The following ADRA2A variants were observed in gnomAD, a reference collection of about 807,000 sequenced individuals.
ADRA2A encodes alpha-2A adrenergic receptor.
Under a neutral mutation model 5.9 loss-of-function variants are expected in ADRA2A, and 6 were observed. That is an observed-to-expected ratio of 1.01 (90% CI 0.55 to 2.00). ADRA2A has a LOEUF of 2.00. Among genes scored for constraint, ADRA2A ranks in the 30% most tolerant of loss-of-function variants. ADRA2A has a pLI of 0.00. For synonymous variants in ADRA2A, 345 were observed against 325.9 expected (o/e 1.06, Z -0.63); for missense variants, 647 against 690.0 (o/e 0.94, Z 0.70).
chr10:111,078,983 T>C lies in ADRA2A; in HGVS notation c.987T>C (p.Gly329=). 1 of 1,234,056 alleles carries C rather than the reference T, an allele frequency of 8.1e-7. No homozygotes were observed. The highest frequency in any genetic ancestry group is 1.0e-6 in the Non-Finnish European group (1 of 991,166). 76.4% of individuals were successfully genotyped at this position (1,234,056 alleles called of 1,614,324 possible). A position where few individuals can be genotyped will look rare whatever the true frequency, so the allele number is the denominator to read the frequency against. Residue 329 remains glycine (G), a synonymous_variant, in exon 1 of 1, where the codon GGT becomes GGC. Coordinates refer to ENST00000280155, the MANE Select transcript of ADRA2A (RefSeq NM_000681.4). The part of the protein sequence containing the change: ...RPPGPRRPER[G]PRGKGKARAS... ...CAGGGCCCCGCAGACCCGAGCGCGG[T>C]CCCCGGGGCAAAGGCAAGGCCCGAG... is the stretch of plus-strand genomic sequence containing the variant.
chr10:111,079,125 T>C lies in ADRA2A; in HGVS notation c.1129T>C (p.Trp377Arg), dbSNP rs1843569681. The change falls in exon 1 of 1, where the codon TGG (tryptophan) becomes CGG (arginine). Residue 377 changes from tryptophan (W) to arginine (R), a missense_variant. Trp to Arg is a moderately radical substitution (Grantham distance 101). This residue lies in a region of ADRA2A where 577 missense variants were observed against 605.4 expected (regional missense o/e 0.95). Coordinates refer to ENST00000280155, the MANE Select transcript of ADRA2A (RefSeq NM_000681.4). ...CGTCGGGGCTGCCAAGGCGTCGCGC[T>C]GGCGCGGGCGGCAGAACCGCGAGAA... ...ERVGAAKASR[W>R]RGRQNREKRF... is the part of the protein sequence containing the mutation. 6.3e-7 allele frequency: 1 copy of C among 1,596,022 alleles called. No individual in the cohort carries two copies. Among genetic ancestry groups the C allele is most frequent in the African/African-American group, 1.3e-5 (1 of 74,420 alleles).
Position 111,078,025 on chromosome 10 carries a change from A to T in ADRA2A, c.29A>T (p.Glu10Val). Residue 10 changes from glutamate to valine, a missense_variant, in exon 1 of 1, where the codon GAG becomes GTG. Physicochemically the swap from Glu to Val is moderately radical, Grantham distance 121. Around this residue, in one of 3 missense-constraint regions of ADRA2A, gnomAD observed 577 missense variants for 605.4 expected, o/e 0.95. Transcript: ENST00000280155. MFRQEQPLA[E>V]GSFAPMGSLQ... ...TTCCGCCAGGAGCAGCCGTTGGCCGAGGGCAGCTTTGCGCCCATGGGCTCC... is the reference window on the plus strand; with the variant it reads ...TTCCGCCAGGAGCAGCCGTTGGCCGTGGGCAGCTTTGCGCCCATGGGCTCC... The T allele has an allele frequency of 1.4e-6, 2 of 1,456,520 alleles. No homozygotes were observed. The highest frequency in any genetic ancestry group is 2.8e-5 in the South Asian group (2 of 70,964). The allele number at this position is 1,456,520 out of a possible 1,614,324, so 90.2% of individuals were successfully genotyped here.
rs138747761 is a variant in ADRA2A at position 111,078,494 on chromosome 10, G to A, written c.498G>A (p.Lys166=). ...TGAAGCGCACGCCGCGCCGCATCAA[G>A]GCCATCATCATCACCGTGTGGGTCA... ...YNLKRTPRRI[K]AIIITVWVIS... is the part of the protein sequence containing the mutation. The change falls in exon 1 of 1, where the codon AAG becomes AAA. Residue 166 remains lysine, a synonymous_variant. Transcript: ENST00000280155. The A allele has an allele frequency of 7.3e-5, 118 of 1,613,186 alleles. No homozygotes were observed. The highest frequency in any genetic ancestry group is 9.8e-5 in the Non-Finnish European group (116 of 1,179,906).
At position 111,078,615 on chromosome 10, in the gene ADRA2A, G is replaced by C. The variant is rs1265977627; in HGVS notation, c.619G>C (p.Asp207His). The change falls in exon 1 of 1, where the codon GAC (aspartate) becomes CAC (histidine). Residue 207 changes from aspartate to histidine, a missense_variant. Coordinates refer to ENST00000280155, the MANE Select transcript of ADRA2A (RefSeq NM_000681.4). Reference sequence around the variant, plus strand: ...GGCCGAGCCGCGCTGCGAGATCAACGACCAGAAGTGGTACGTCATCTCGTC... The same window carrying C: ...GGCCGAGCCGCGCTGCGAGATCAACCACCAGAAGTGGTACGTCATCTCGTC... ...QPAEPRCEINDQKWYVISSCI... is the reference protein window; with the variant it reads ...QPAEPRCEINHQKWYVISSCI... 2.1e-5 allele frequency: 33 copies of C among 1,597,280 alleles called. No homozygotes were observed. In the East Asian group the frequency reaches 7.1e-4, roughly 34 times the overall value.
In ADRA2A at chr10:111,078,618, C is replaced by A; in HGVS notation, c.622C>A (p.Gln208Lys). Reference sequence around the variant, plus strand: ...CGAGCCGCGCTGCGAGATCAACGACCAGAAGTGGTACGTCATCTCGTCGTG... The same window carrying A: ...CGAGCCGCGCTGCGAGATCAACGACAAGAAGTGGTACGTCATCTCGTCGTG... ...PAEPRCEIND[Q>K]KWYVISSCIG... The change falls in exon 1 of 1, where the codon CAG becomes AAG. Residue 208 changes from glutamine (Q) to lysine (K), a missense_variant. By Grantham distance (53) the Gln-to-Lys change is moderately conservative. Coordinates refer to ENST00000280155, the MANE Select transcript of ADRA2A (RefSeq NM_000681.4). 1 of 1,597,358 alleles carries A rather than the reference C, an allele frequency of 6.3e-7. No individual in the cohort carries two copies. Among genetic ancestry groups the A allele is most frequent in the East Asian group, 2.3e-5 (1 of 43,952 alleles).
At position 111,078,197 on chromosome 10, in the gene ADRA2A, G is replaced by T; in HGVS notation, c.201G>T (p.Val67=). 6.2e-7 allele frequency: 1 copy of T among 1,613,006 alleles called. No individual in the cohort carries two copies. Among genetic ancestry groups the T allele is most frequent in the Non-Finnish European group, 8.5e-7 (1 of 1,179,884 alleles). ...LLMLLTVFGN[V]LVIIAVFTSR... is the part of the protein sequence containing the mutation. Reference sequence around the variant, plus strand: ...TGCTGCTCACCGTGTTCGGCAACGTGCTCGTCATCATCGCCGTGTTCACGA... The same window carrying T: ...TGCTGCTCACCGTGTTCGGCAACGTTCTCGTCATCATCGCCGTGTTCACGA... The change falls in exon 1 of 1, where the codon GTG becomes GTT. Residue 67 remains valine (V), a synonymous_variant. Transcript: ENST00000280155.
rs12416313 is a variant in ADRA2A at position 111,078,221 on chromosome 10, G to C, written c.225G>C (p.Thr75=). 9.7e-4 allele frequency: 1,563 copies of C among 1,613,538 alleles called. 15 individuals carry two copies. The Admixed American group carries it at 0.02, about 21-fold the overall frequency. ...TGCTCGTCATCATCGCCGTGTTCAC[G>C]AGCCGCGCGCTCAAGGCGCCCCAAA... ...GNVLVIIAVF[T]SRALKAPQNL... The change falls in exon 1 of 1, where the codon ACG becomes ACC. Residue 75 remains threonine (T), a synonymous_variant. Transcript: ENST00000280155.
In ADRA2A at chr10:111,078,883, C is replaced by T; in HGVS notation, c.887C>T (p.Ala296Val). 8.3e-7 allele frequency: 1 copy of T among 1,202,650 alleles called. No homozygotes were observed. Among genetic ancestry groups the T allele is most frequent in the Non-Finnish European group, 1.0e-6 (1 of 971,208 alleles). The allele number at this position is 1,202,650 out of a possible 1,614,324, so 74.5% of individuals were successfully genotyped here. ...CTCAACGGCGCCCCTGGCGAGCCCG[C>T]GCCGGCCGGGCCGCGCGACACCGAC... ...TQLNGAPGEP[A>V]PAGPRDTDAL... The change falls in exon 1 of 1, where the codon GCG becomes GTG. Residue 296 changes from alanine (A) to valine (V), a missense_variant. This residue lies in a region of ADRA2A where 577 missense variants were observed against 605.4 expected (regional missense o/e 0.95). Transcript: ENST00000280155.
At position 111,078,068 on chromosome 10, in the gene ADRA2A, C is replaced by A; in HGVS notation, c.72C>A (p.Gly24=). Reference sequence around the variant, plus strand: ...TGGGCTCCCTGCAGCCGGACGCGGGCAACGCGAGCTGGAACGGGACCGAGG... The same window carrying A: ...TGGGCTCCCTGCAGCCGGACGCGGGAAACGCGAGCTGGAACGGGACCGAGG... The part of the protein sequence containing the change: ...APMGSLQPDA[G]NASWNGTEAP... Residue 24 remains glycine (G), a synonymous_variant, in exon 1 of 1, where the codon GGC becomes GGA. Transcript: ENST00000280155. The A allele has an allele frequency of 6.5e-7, 1 of 1,543,860 alleles. No homozygotes were observed. Among genetic ancestry groups the A allele is most frequent in the South Asian group, 1.2e-5 (1 of 84,730 alleles).
chr10:111,078,458 C>G lies in ADRA2A; in HGVS notation c.462C>G (p.Ile154Met). ...LDRYWSITQA[I>M]EYNLKRTPRR... ...GCTACTGGTCCATCACACAGGCCAT[C>G]GAGTACAACCTGAAGCGCACGCCGC... is the stretch of plus-strand genomic sequence containing the variant. The change falls in exon 1 of 1, where the codon ATC (isoleucine) becomes ATG (methionine). Residue 154 changes from isoleucine to methionine, a missense_variant. By Grantham distance (10) the Ile-to-Met change is conservative. This residue lies in a region of ADRA2A where 577 missense variants were observed against 605.4 expected (regional missense o/e 0.95). Transcript: ENST00000280155. 1 of 1,613,812 alleles carries G rather than the reference C, an allele frequency of 6.2e-7. No homozygotes were observed.
Position 111,077,870 on chromosome 10 carries a change from TC to T in ADRA2A, c.-124del. The T allele has an allele frequency of 7.9e-7, 1 of 1,273,520 alleles. No individual in the cohort carries two copies. Among genetic ancestry groups the T allele is most frequent in the Non-Finnish European group, 9.9e-7 (1 of 1,013,954 alleles). 78.9% of individuals were successfully genotyped at this position (1,273,520 alleles called of 1,614,324 possible). The stretch of plus-strand genomic sequence containing the variant: ...GCGGTCCTCCAGTTCGGGCCCGGCC[TC>T]CCTGCGGCCCCCTCCCTATGTGAGC... On this transcript the variant is annotated 5_prime_UTR_variant, in exon 1 of 1. Coordinates refer to ENST00000280155, the MANE Select transcript of ADRA2A (RefSeq NM_000681.4).
rs760720691 is a variant in ADRA2A at position 111,079,337 on chromosome 10, T to C, written c.1341T>C (p.Asp447=). 1.9e-6 allele frequency: 3 copies of C among 1,614,076 alleles called. No individual in the cohort carries two copies. The highest frequency in any genetic ancestry group is 1.7e-5 in the Admixed American group (1 of 60,034). Residue 447 remains aspartate, a synonymous_variant, in exon 1 of 1, where the codon GAT becomes GAC. Transcript: ENST00000280155. ...TCATCTACACCATCTTCAACCACGA[T>C]TTCCGCCGCGCCTTCAAGAAGATCC... The part of the protein sequence containing the change: ...NPVIYTIFNH[D]FRRAFKKILC...
In ADRA2A at chr10:111,079,487, C is replaced by T. The variant is rs1843573737; in HGVS notation, c.*93C>T. The T allele has an allele frequency of 1.4e-6, 2 of 1,391,586 alleles. No individual in the cohort carries two copies. Among genetic ancestry groups the T allele is most frequent in the Middle Eastern group, 2.5e-4 (1 of 3,924 alleles). The allele number at this position is 1,391,586 out of a possible 1,614,324, so 86.2% of individuals were successfully genotyped here. On this transcript the variant is annotated 3_prime_UTR_variant, in exon 1 of 1. Transcript: ENST00000280155. ...GCCCCAGGGCACTCAGAAACCCGGGCGCTGCCTGCTCTGCGTTTCCTCGTC... is the reference window on the plus strand; with the variant it reads ...GCCCCAGGGCACTCAGAAACCCGGGTGCTGCCTGCTCTGCGTTTCCTCGTC...
Position 111,077,919 on chromosome 10 carries a change from C to G in ADRA2A, c.-78C>G, listed in dbSNP as rs919361082. On this transcript the variant is annotated 5_prime_UTR_variant, in exon 1 of 1. Transcript: ENST00000280155. ...AGCCGCAGCCAGGCGAGCGGGGCGC[C>G]GGAGGAAGAGGAGGACCCACGGGCG... 46 of 1,322,250 alleles carry G rather than the reference C, an allele frequency of 3.5e-5. No individual in the cohort carries two copies. The highest frequency in any genetic ancestry group is 4.0e-5 in the Non-Finnish European group (42 of 1,044,402). The allele number at this position is 1,322,250 out of a possible 1,614,324, so 81.9% of individuals were successfully genotyped here.
rs1284129917 is a variant in ADRA2A at position 111,080,723 on chromosome 10, A to G, written c.*1329A>G. 1 of 166,910 alleles carries G rather than the reference A, an allele frequency of 6.0e-6. No individual in the cohort carries two copies. The highest frequency in any genetic ancestry group is 1.5e-5 in the Non-Finnish European group (1 of 68,096). 10.3% of individuals were successfully genotyped at this position (166,910 alleles called of 1,614,324 possible). A position where few individuals can be genotyped will look rare whatever the true frequency, so the allele number is the denominator to read the frequency against. On this transcript the variant is annotated 3_prime_UTR_variant, in exon 1 of 1. Transcript: ENST00000280155. Reference sequence around the variant, plus strand: ...CTCTTATTTCACTAAAGAAAAACTAATGTCAGCACATGTTGCTAATGACAG... The same window carrying G: ...CTCTTATTTCACTAAAGAAAAACTAGTGTCAGCACATGTTGCTAATGACAG...
Position 111,077,415 on chromosome 10 carries a change from G to C in ADRA2A, c.-582G>C, listed in dbSNP as rs914953865. The C allele has an allele frequency of 6.6e-6, 1 of 152,130 alleles. No homozygotes were observed. Among genetic ancestry groups the C allele is most frequent in the Non-Finnish European group, 1.5e-5 (1 of 68,092 alleles). 9.4% of individuals were successfully genotyped at this position (152,130 alleles called of 1,614,324 possible). ...AGAGTCCGCGCCCCAGCCCCGGGCC[G>C]GGCCGGGCCAGAACCGCAGCGTCTG... On this transcript the variant is annotated 5_prime_UTR_variant, in exon 1 of 1. Transcript: ENST00000280155.
rs767014642 is a variant in ADRA2A at position 111,078,244 on chromosome 10, A to C, written c.248A>C (p.Gln83Pro). 4 of 1,613,296 alleles carry C rather than the reference A, an allele frequency of 2.5e-6. No homozygotes were observed. Among genetic ancestry groups the C allele is most frequent in the Non-Finnish European group, 3.4e-6 (4 of 1,179,904 alleles). Reference sequence around the variant, plus strand: ...ACGAGCCGCGCGCTCAAGGCGCCCCAAAACCTCTTCCTGGTGTCTCTGGCC... The same window carrying C: ...ACGAGCCGCGCGCTCAAGGCGCCCCCAAACCTCTTCCTGGTGTCTCTGGCC... ...VFTSRALKAP[Q>P]NLFLVSLASA... The change falls in exon 1 of 1, where the codon CAA becomes CCA. Residue 83 changes from glutamine to proline, a missense_variant. By Grantham distance (76) the Gln-to-Pro change is moderately conservative (BLOSUM62 -1). Coordinates refer to ENST00000280155, the MANE Select transcript of ADRA2A (RefSeq NM_000681.4).
In ADRA2A at chr10:111,078,793, A is replaced by G. The variant is rs1843564809; in HGVS notation, c.797A>G (p.Asn266Ser). Reference sequence around the variant, plus strand: ...CCGGGGGGCACCGAGCGCAGGCCCAACGGTCTGGGCCCCGAGCGCAGCGCG... The same window carrying G: ...CCGGGGGGCACCGAGCGCAGGCCCAGCGGTCTGGGCCCCGAGCGCAGCGCG... ...APPGGTERRP[N>S]GLGPERSAGP... is the part of the protein sequence containing the mutation. The change falls in exon 1 of 1, where the codon AAC becomes AGC. Residue 266 changes from asparagine (N) to serine (S), a missense_variant. Physicochemically the swap from Asn to Ser is conservative, Grantham distance 46 (BLOSUM62 1). Around this residue, in one of 3 missense-constraint regions of ADRA2A, gnomAD observed 577 missense variants for 605.4 expected, o/e 0.95. Transcript: ENST00000280155. The G allele has an allele frequency of 2.2e-6, 3 of 1,379,780 alleles. No homozygotes were observed. Among genetic ancestry groups the G allele is most frequent in the African/African-American group, 1.5e-5 (1 of 64,586 alleles). The allele number at this position is 1,379,780 out of a possible 1,614,324, so 85.5% of individuals were successfully genotyped here. A position where few individuals can be genotyped will look rare whatever the true frequency, so the allele number is the denominator to read the frequency against.
At position 111,077,811 on chromosome 10, in the gene ADRA2A, G is replaced by A; in HGVS notation, c.-186G>A. The A allele has an allele frequency of 2.2e-6, 2 of 891,508 alleles. No individual in the cohort carries two copies. The highest frequency in any genetic ancestry group is 3.0e-6 in the Non-Finnish European group (2 of 676,038). 55.2% of individuals were successfully genotyped at this position (891,508 alleles called of 1,614,324 possible). The stretch of plus-strand genomic sequence containing the variant: ...CGAGAGCGTCTGAAGCGCGAGCCAG[G>A]CGCAGTTCGCGGGACCCGGGCCATG... On this transcript the variant is annotated 5_prime_UTR_variant, in exon 1 of 1. Coordinates refer to ENST00000280155, the MANE Select transcript of ADRA2A (RefSeq NM_000681.4).
Sources: allele counts gnomAD v4.1 joint callset, GRCh38; gene constraint gnomAD v4.1.1; regional missense constraint gnomAD v4.1.1; transcripts MANE v1.5; gene names NCBI Gene and HGNC (gene_info 2026-07-23, HGNC 2026-07-21).